The following ZFR variants were observed in gnomAD, a reference collection of about 807,000 sequenced individuals.
The protein encoded by ZFR is zinc finger RNA binding protein.
A neutral mutation model predicts 130.7 loss-of-function variants in ZFR; 19 were observed. The ratio of observed to expected loss-of-function variants is 0.15; its 90% CI spans 0.10 to 0.21. ZFR has a LOEUF of 0.21. ZFR is among the 10% of genes least tolerant of loss of function. The pLI, the probability that ZFR is intolerant of heterozygous loss-of-function variation, is 1.00. For synonymous variants in ZFR, 466 were observed against 456.9 expected, an observed-to-expected ratio of 1.02 and a Z score of -0.25; for missense variants, 872 against 1,321.5, an observed-to-expected ratio of 0.66 and a Z score of 5.27.
At chr5:32,383,331 G>T (rs1375237039) in intron 15 of ZFR, among the ~76,000 whole-genome samples, 1 of 152,152 alleles carries the variant, frequency 6.6e-6, no homozygotes, top group Non-Finnish European at 1.5e-5. Flanking sequence ...AATCCCCTCT[G>T]CTAGAAGGCT....
chr5:32,406,268 G>A (rs1326374222), intron 6 of ZFR, among the ~76,000 whole-genome samples: 1 of 152,048 alleles, frequency 6.6e-6, no homozygotes, highest in Non-Finnish European at 1.5e-5. Context: ...CACCTTCCTT[G>A]TTCCCGAAGT....
intron 19 of ZFR, among the ~76,000 whole-genome samples, chr5:32,359,349 G>A (rs777588047): frequency 2.0e-5 from 3 of 151,586 alleles, no homozygotes; most frequent in African/African-American, 4.9e-5. Flanking sequence ...ATTAGTGTCA[G>A]TGTATTTTAT....
chr5:32,391,368 T>C (rs1221162754), intron 11 of ZFR, among the ~76,000 whole-genome samples: 2 of 152,180 alleles, frequency 1.3e-5, no homozygotes, highest in East Asian at 1.9e-4. Flanking sequence ...ACAGGCTGTG[T>C]TGCTGAGGTC....
chr5:32,431,606 C>T (rs778423265), intron 2 of ZFR, among the ~76,000 whole-genome samples: 3 of 152,122 alleles, frequency 2.0e-5, no homozygotes, highest in Non-Finnish European at 4.4e-5. Context: ...TTGATAGATA[C>T]AACATTTCTT....
intron 10 of ZFR, among the ~76,000 whole-genome samples, chr5:32,396,825 A>G (rs545351083): frequency 7.9e-4 from 121 of 152,292 alleles, no homozygotes; most frequent in African/African-American, 2.8e-3. Flanking sequence ...CTACGCTAAG[A>G]TAAGTGAAGG....
chr5:32,383,604 T>C (rs538715666), intron 15 of ZFR, among the ~76,000 whole-genome samples: 8 of 152,344 alleles, frequency 5.3e-5, no homozygotes, highest in Admixed American at 6.5e-5. Context: ...TTAAAGAGAC[T>C]ACCACACAAT....
chr5:32,376,386 C>T (rs1392226781), intron 17 of ZFR, among the ~76,000 whole-genome samples: 2 of 151,750 alleles, frequency 1.3e-5, no homozygotes, highest in East Asian at 3.9e-4. Flanking sequence ...GTGGCTCATG[C>T]CTATAATCCC....
chr5:32,401,217 A>G lies in ZFR; in HGVS notation c.1517-1014T>C, dbSNP rs113618286. On this transcript the variant is annotated intron_variant, in intron 8 of 19. Coordinates refer to ENST00000265069, the MANE Select transcript of ZFR (RefSeq NM_016107.5). ...CTTTCAAAAATATTCTTAAGTATCT[A>G]CAACAATCTGGATACGGCGCTAAGT... Among the ~76,000 whole-genome samples the G allele has an allele frequency of 6.9e-3, 1,058 of 152,364 alleles. 11 individuals are homozygous for G. The highest frequency in any genetic ancestry group is 0.024 in the African/African-American group (1,012 of 41,578).
At position 32,406,503 on chromosome 5, in the gene ZFR, A is replaced by C. The variant is rs568374391; in HGVS notation, c.1032+271T>G. 4.6e-5 allele frequency among the ~76,000 whole-genome samples: 7 copies of C among 152,336 alleles called. No homozygotes were observed. The East Asian group carries it at 1.3e-3, about 29-fold the overall frequency. ...CAAGTCGCAATTAATTTGACTACAA[A>C]ATTTTAAAACTAAATTTAAGTTTTA... On this transcript the variant is annotated intron_variant, in intron 6 of 19. Transcript: ENST00000265069.
At chr5:32,429,740 A>G (rs955570529) in intron 2 of ZFR, among the ~76,000 whole-genome samples, 14 of 152,118 alleles carry the variant, frequency 9.2e-5, no homozygotes, top group Non-Finnish European at 1.2e-4. Flanking sequence ...AAATGCTGCA[A>G]ATAACATTCC....
intron 15 of ZFR, among the ~76,000 whole-genome samples, chr5:32,385,264 CA>C (rs1753020522): frequency 6.6e-6 from 1 of 151,560 alleles, no homozygotes; most frequent in Admixed American, 6.6e-5. Context: ...CTGAGGTTAG[CA>C]AGAAAAGAAA....
intron 9 of ZFR, among the ~76,000 whole-genome samples, chr5:32,399,433 TA>T (rs2111764266): frequency 6.6e-6 from 1 of 152,342 alleles, no homozygotes; most frequent in South Asian, 2.1e-4. Flanking sequence ...ATATATGCTC[TA>T]AAGTCAAAGT....
At chr5:32,362,593 T>C (rs1357340406) in intron 19 of ZFR, among the ~76,000 whole-genome samples, 1 of 152,202 alleles carries the variant, frequency 6.6e-6, no homozygotes, top group African/African-American at 2.4e-5. Context: ...ACAATCAAGA[T>C]GGGTAACTGT....
At chr5:32,407,628 T>C (rs1753605556) in intron 5 of ZFR, among the ~76,000 whole-genome samples, 1 of 151,912 alleles carries the variant, frequency 6.6e-6, no homozygotes. Context: ...AGCAGAAGTT[T>C]GTGATGTGGA....
At chr5:32,423,038 A>T (rs1238313692) in intron 2 of ZFR, among the ~76,000 whole-genome samples, 1 of 151,908 alleles carries the variant, frequency 6.6e-6, no homozygotes, top group African/African-American at 2.4e-5. Context: ...CTTCCAGGCA[A>T]TCTTACTGCT....
At chr5:32,387,476 G>A (rs998033585) in intron 14 of ZFR, 73 bp downstream of exon 14, 45 of 1,552,076 alleles carry the variant, frequency 2.9e-5, no homozygotes, top group Non-Finnish European at 2.5e-5. Flanking sequence ...GGTTTAAACC[G>A]AAGCACAGTC....
intron 6 of ZFR, among the ~76,000 whole-genome samples, chr5:32,406,030 G>A (rs1403336444): frequency 6.6e-6 from 1 of 152,090 alleles, no homozygotes; most frequent in African/African-American, 2.4e-5. Context: ...CAAATAACAT[G>A]CCTTTTATCT....
intron 4 of ZFR, 144 bp from the exon 5 acceptor site, chr5:32,415,331 A>C: frequency 3.1e-6 from 2 of 648,752 alleles, no homozygotes; most frequent in Non-Finnish European, 5.3e-6. Flanking sequence ...AGCAAAAGGC[A>C]TAAAACTCTT....
At position 32,392,244 on chromosome 5, in the gene ZFR, C is replaced by T. The variant is rs138807202; in HGVS notation, c.1980-1807G>A. On this transcript the variant is annotated intron_variant, in intron 11 of 19. Coordinates refer to ENST00000265069, the MANE Select transcript of ZFR (RefSeq NM_016107.5). ...TTTATCCATTGTTTACCAATTTGTG[C>T]TCACTACCTAATACAGTTCCTGGCA... 5.9e-5 allele frequency among the ~76,000 whole-genome samples: 9 copies of T among 152,158 alleles called. No homozygotes were observed. The East Asian group carries it at 1.4e-3, about 23-fold the overall frequency.
Sources: gnomAD v4.1 joint callset for allele counts (sites outside exome capture counted in the v4.1 genomes callset) on GRCh38, gnomAD v4.1.1 for gene constraint, MANE v1.5 for transcripts, NCBI Gene and HGNC (gene_info 2026-07-23, HGNC 2026-07-21) for gene names.